The following L3MBTL3 variants were observed in gnomAD, a reference collection of about 807,000 sequenced individuals.
The protein encoded by L3MBTL3 is L3MBTL histone methyl-lysine binding protein 3.
L3MBTL3 carries 27 observed loss-of-function variants against 102.3 expected under a neutral mutation model. The ratio of observed to expected loss-of-function variants is 0.26; its 90% confidence interval spans 0.19 to 0.36. The LOEUF is 0.36. Ranked by LOEUF, L3MBTL3 falls within the 10% of genes least tolerant of loss-of-function variation. The probability of loss-of-function intolerance (pLI) is 1.00; values close to 1 mark genes in which losing one functional copy is unlikely to be tolerated. For synonymous variants in L3MBTL3, 340 were observed against 320.9 expected (o/e 1.06, Z -0.64); for missense variants, 798 against 955.3 (o/e 0.84, Z 2.17).
At chr6:130,138,869 T>C (rs2114493924) in intron 22 of L3MBTL3, among the ~76,000 whole-genome samples, 1 of 152,322 alleles carries the variant, frequency 6.6e-6, no homozygotes, top group Non-Finnish European at 1.5e-5. Context: ...TATTTTATCT[T>C]TTAACCTAAA....
chr6:130,052,252 G>A (rs768877071), intron 6 of L3MBTL3, among the ~76,000 whole-genome samples: 12 of 151,876 alleles, frequency 7.9e-5, no homozygotes, highest in Non-Finnish European at 1.3e-4. Context: ...GACTACAGGC[G>A]CACGCCACCA....
At chr6:130,116,930 A>AT (rs375499042) in intron 19 of L3MBTL3, among the ~76,000 whole-genome samples, 94 of 111,008 alleles carry the variant, frequency 8.5e-4, no homozygotes, top group African/African-American at 2.4e-3. Flanking sequence ...TATTTTTTTT[A>AT]TTTTTTTTTC....
At position 130,078,459 on chromosome 6, in the gene L3MBTL3, C is replaced by G. The variant is rs145064084; in HGVS notation, c.1245-99C>G. ...TAGATTGATTGTAATAAATAGAACT[C>G]TCTGTAAAGTGCTCATGATCTCTAG... On this transcript the variant is annotated intron_variant, in intron 13 of 22. Coordinates refer to ENST00000361794, the MANE Select transcript of L3MBTL3 (RefSeq NM_032438.4). 2.8e-4 allele frequency: 221 copies of G among 784,306 alleles called. 1 individual carries two copies. The African/African-American group carries it at 3.5e-3, about 12-fold the overall frequency. The allele number at this position is 784,306 out of a possible 1,614,324, so 48.6% of individuals were successfully genotyped here. A position where few individuals can be genotyped will look rare whatever the true frequency, so the allele number is the denominator to read the frequency against.
At chr6:130,083,904 C>G (rs987433409) in intron 15 of L3MBTL3, among the ~76,000 whole-genome samples, 199 bp downstream of exon 15, 4 of 151,988 alleles carry the variant, frequency 2.6e-5, no homozygotes, top group Non-Finnish European at 5.9e-5. Context: ...CAAAAAAATG[C>G]TTTGATTTTG....
At chr6:130,137,789 T>A (rs1787860650) in intron 22 of L3MBTL3, 1 of 152,240 alleles carries the variant, frequency 6.6e-6, no homozygotes, top group Admixed American at 6.5e-5. Flanking sequence ...AGAAGACTTC[T>A]ATAAGGCTGT....
At chr6:130,059,104 T>C (rs1781723754) in intron 9 of L3MBTL3, among the ~76,000 whole-genome samples, 1 of 152,160 alleles carries the variant, frequency 6.6e-6, no homozygotes, top group Non-Finnish European at 1.5e-5. Context: ...TGTAGCTAAT[T>C]CCTTGAATCA....
At chr6:130,077,544 T>C (rs535674119) in intron 13 of L3MBTL3, among the ~76,000 whole-genome samples, 13 of 152,366 alleles carry the variant, frequency 8.5e-5, no homozygotes, top group African/African-American at 3.1e-4. Context: ...CAGCATTCAG[T>C]AGTGGTTACA....
intron 10 of L3MBTL3, among the ~76,000 whole-genome samples, chr6:130,063,342 G>A (rs796857323): frequency 2.6e-5 from 4 of 151,862 alleles, no homozygotes; most frequent in African/African-American, 9.7e-5. Context: ...AGGAGGAGGG[G>A]GATTTGAAAA....
chr6:130,134,795 A>G (rs1275221153), intron 22 of L3MBTL3, among the ~76,000 whole-genome samples: 1 of 152,206 alleles, frequency 6.6e-6, no homozygotes, highest in East Asian at 1.9e-4. Flanking sequence ...AGAACAGCAC[A>G]CTTTCCATTT....
At chr6:130,049,233 C>A in intron 3 of L3MBTL3, 49 bp from the exon 4 acceptor site, 1 of 1,054,456 alleles carries the variant, frequency 9.5e-7, no homozygotes, top group Non-Finnish European at 1.5e-6. Context: ...TAATTAATGA[C>A]TTTCCTGAGC....
chr6:130,048,849 A>G (rs1431442209), intron 3 of L3MBTL3, among the ~76,000 whole-genome samples: 1 of 152,150 alleles, frequency 6.6e-6, no homozygotes, highest in African/African-American at 2.4e-5. Context: ...TGGGCAAGAC[A>G]AGTTGATTCC....
chr6:130,134,055 A>G, intron 22 of L3MBTL3, 150 bp downstream of exon 22: 1 of 624,774 alleles, frequency 1.6e-6, no homozygotes, highest in Admixed American at 2.7e-5. Context: ...GGCAGTATGA[A>G]TCAGTTGTAT....
chr6:130,022,084 T>C (rs886959474), intron 1 of L3MBTL3, 143 bp from the exon 2 acceptor site: 1 of 152,216 alleles, frequency 6.6e-6, no homozygotes, highest in Non-Finnish European at 1.5e-5. Flanking sequence ...CTTATTTTAT[T>C]TTAATTTACC....
At chr6:130,083,831 T>C (rs549969658) in intron 15 of L3MBTL3, 126 bp downstream of exon 15, 2 of 449,316 alleles carry the variant, frequency 4.5e-6, no homozygotes, top group East Asian at 3.8e-5. Flanking sequence ...CCAAATAAGA[T>C]GTTTTTGAAT....
At chr6:130,123,869 C>T (rs1188806271) in intron 20 of L3MBTL3, among the ~76,000 whole-genome samples, 1 of 152,100 alleles carries the variant, frequency 6.6e-6, no homozygotes, top group African/African-American at 2.4e-5. Context: ...GGGGACCTCT[C>T]GGAGCCTAGT....
intron 2 of L3MBTL3, among the ~76,000 whole-genome samples, chr6:130,025,805 A>G (rs1183890680): frequency 6.6e-6 from 1 of 152,172 alleles, no homozygotes; most frequent in African/African-American, 2.4e-5. Context: ...TACTTATTGA[A>G]CCTCTATTTT....
At chr6:130,038,915 C>A (rs1584298397) in intron 2 of L3MBTL3, among the ~76,000 whole-genome samples, 1 of 152,072 alleles carries the variant, frequency 6.6e-6, no homozygotes, top group East Asian at 1.9e-4. Flanking sequence ...TTGATGTTTT[C>A]TCTACTTAAG....
intron 14 of L3MBTL3, among the ~76,000 whole-genome samples, chr6:130,080,361 G>A (rs1783253422): frequency 6.6e-6 from 1 of 152,110 alleles, no homozygotes; most frequent in Non-Finnish European, 1.5e-5. Flanking sequence ...TGTCTGTCCT[G>A]CGGCTTACAA....
At chr6:130,092,715 T>A (rs1442204101) in intron 16 of L3MBTL3, 30 bp from the exon 17 acceptor site, 2 of 1,405,294 alleles carry the variant, frequency 1.4e-6, no homozygotes, top group Non-Finnish European at 2.0e-6. Flanking sequence ...ATGACTTAAT[T>A]TGTACTGTTA....
Sources: allele counts gnomAD v4.1 joint callset (sites outside exome capture counted in the v4.1 genomes callset), GRCh38; gene constraint gnomAD v4.1.1; transcripts MANE v1.5; gene names NCBI Gene and HGNC (gene_info 2026-07-23, HGNC 2026-07-21).